The following TASP1 variants were observed in gnomAD, a reference collection of about 807,000 sequenced individuals.
The protein encoded by TASP1 is taspase 1, also known as threonine aspartase 1.
Under a neutral mutation model 56.6 loss-of-function variants are expected in TASP1, and 16 were observed. The ratio of observed to expected loss-of-function variants is 0.28; its 90% CI spans 0.19 to 0.43. The LOEUF (loss-of-function observed/expected upper bound fraction) is 0.43. Ranked by LOEUF, TASP1 falls within the 20% of genes least tolerant of loss-of-function variation. The pLI, the probability that TASP1 is intolerant of heterozygous loss-of-function variation, is 1.00. For missense variants in TASP1, 393 were observed against 511.6 expected (o/e 0.77, Z 2.24); for synonymous variants, 179 against 184.2 (o/e 0.97, Z 0.23).
chr20:13,332,836 G>T, the TASP1 span, among the ~76,000 whole-genome samples: 1 of 152,148 alleles, frequency 6.6e-6, no homozygotes, highest in Non-Finnish European at 1.5e-5. Flanking sequence ...AGCAAATTCT[G>T]GTGTGAACGG....
the TASP1 span, among the ~76,000 whole-genome samples, chr20:13,332,589 C>T: frequency 2.0e-5 from 3 of 152,166 alleles, no homozygotes; most frequent in Non-Finnish European, 4.4e-5. Flanking sequence ...AAATGCTGCA[C>T]AAAACTAACT....
At chr20:13,202,025 T>A in the TASP1 span, among the ~76,000 whole-genome samples, 1 of 152,144 alleles carries the variant, frequency 6.6e-6, no homozygotes, top group Admixed American at 6.6e-5. Context: ...AGTGCTGGGA[T>A]TACAGGCATG....
At chr20:13,364,640 C>A in the TASP1 span, among the ~76,000 whole-genome samples, 2 of 150,434 alleles carry the variant, frequency 1.3e-5, no homozygotes, top group African/African-American at 4.9e-5. Context: ...ATATCTGACC[C>A]CCGAGATGGG....
chr20:13,170,097 AT>A, the TASP1 span, among the ~76,000 whole-genome samples: 1 of 152,204 alleles, frequency 6.6e-6, no homozygotes, highest in Admixed American at 6.5e-5. Context: ...TAAAGCAATC[AT>A]TTTTAGACAC....
the TASP1 span, among the ~76,000 whole-genome samples, chr20:13,180,097 G>A: frequency 6.6e-6 from 1 of 152,168 alleles, no homozygotes; most frequent in Non-Finnish European, 1.5e-5. Flanking sequence ...AGTCATTCAT[G>A]AGGACCTGGA....
the TASP1 span, among the ~76,000 whole-genome samples, chr20:13,150,204 T>C: frequency 2.0e-5 from 3 of 152,216 alleles, no homozygotes; most frequent in African/African-American, 7.2e-5. Context: ...ACAGTTTCAA[T>C]GTATGGGTGA....
At chr20:13,626,933 G>T (rs2048916477) in intron 2 of TASP1, among the ~76,000 whole-genome samples, 1 of 129,508 alleles carries the variant, frequency 7.7e-6, no homozygotes. Context: ...TTTAATTCCT[G>T]GTTAACACTT....
chr20:13,484,835 G>A (rs570422538), intron 10 of TASP1, among the ~76,000 whole-genome samples: 44 of 151,884 alleles, frequency 2.9e-4, no homozygotes, highest in African/African-American at 1.0e-3. Flanking sequence ...TTGCAGGGAC[G>A]TGGATGAAGC....
intron 11 of TASP1, among the ~76,000 whole-genome samples, chr20:13,445,942 GTTCAC>G (rs1445947942): frequency 6.6e-6 from 1 of 152,060 alleles, no homozygotes; most frequent in African/African-American, 2.4e-5. Flanking sequence ...TTTTATAAAA[GTTCAC>G]TTCACAATAT....
At chr20:13,136,358 A>T in the TASP1 span, among the ~76,000 whole-genome samples, 1 of 152,148 alleles carries the variant, frequency 6.6e-6, no homozygotes, top group African/African-American at 2.4e-5. Flanking sequence ...GCACTTTGCG[A>T]GGCCAAGGCA....
chr20:13,563,667 CTTTT>C (rs75277729), intron 7 of TASP1, among the ~76,000 whole-genome samples: 1 of 137,758 alleles, frequency 7.3e-6, no homozygotes, highest in Non-Finnish European at 1.6e-5. Flanking sequence ...GCCATATGAT[CTTTT>C]TTTTTTTTTT....
At chr20:13,363,842 G>T in the TASP1 span, among the ~76,000 whole-genome samples, 2 of 151,874 alleles carry the variant, frequency 1.3e-5, no homozygotes, top group African/African-American at 2.4e-5. Flanking sequence ...TGAGTAGTGT[G>T]TGTGAGTGGA....
At chr20:13,198,800 T>G in the TASP1 span, among the ~76,000 whole-genome samples, 11 of 13,888 alleles carry the variant, frequency 7.9e-4, no homozygotes, top group South Asian at 8.4e-3. Context: ...TTGTCTTTCT[T>G]TCTTTCTTTC....
At chr20:13,176,918 C>T in the TASP1 span, among the ~76,000 whole-genome samples, 1 of 152,034 alleles carries the variant, frequency 6.6e-6, no homozygotes, top group African/African-American at 2.4e-5. Flanking sequence ...GGTAAAGGAC[C>T]TCTATAAGGA....
chr20:13,590,307 C>T (rs545648462), intron 4 of TASP1, among the ~76,000 whole-genome samples: 2 of 152,244 alleles, frequency 1.3e-5, no homozygotes, highest in South Asian at 4.2e-4. Flanking sequence ...CAACAAAATA[C>T]TACTTCAAAC....
the TASP1 span, chr20:13,165,275 G>A: frequency 6.1e-6 from 1 of 164,544 alleles, no homozygotes; most frequent in East Asian, 1.7e-4. Flanking sequence ...AGATGTAAGT[G>A]AGTGTGGTGG....
intron 6 of TASP1, among the ~76,000 whole-genome samples, chr20:13,573,267 A>C (rs8184309): frequency 0.23 from 35,298 of 152,030 alleles, 4,529 homozygotes; most frequent in Non-Finnish European, 0.29. Flanking sequence ...CTCACCCCCA[A>C]GGTATTGGGA....
At chr20:13,523,936 C>T (rs1027379918) in intron 10 of TASP1, among the ~76,000 whole-genome samples, 1 of 151,998 alleles carries the variant, frequency 6.6e-6, no homozygotes, top group African/African-American at 2.4e-5. Context: ...ATCACTGGAG[C>T]CCAGGAGTTC....
chr20:13,568,362 T>A (rs1033187481), intron 7 of TASP1, among the ~76,000 whole-genome samples: 7 of 152,162 alleles, frequency 4.6e-5, no homozygotes, highest in African/African-American at 1.7e-4. Flanking sequence ...AATCCTCACT[T>A]TTTCATTTGA....
Sources: allele counts gnomAD v4.1 joint callset (sites outside exome capture counted in the v4.1 genomes callset), GRCh38; gene constraint gnomAD v4.1.1; transcripts MANE v1.5; gene names NCBI Gene and HGNC (gene_info 2026-07-23, HGNC 2026-07-21).